Variants in ACAT1 observed in about 807,000 individuals in gnomAD.
ACAT1 encodes acetyl-CoA acetyltransferase 1.
In ACAT1, 28 loss-of-function variants were observed where a neutral mutation model predicts 47.3. The ratio of observed to expected loss-of-function variants is 0.59; its 90% CI spans 0.44 to 0.81. The LOEUF is 0.81. Ranked by LOEUF, ACAT1 falls within the 30% of genes least tolerant of loss-of-function variation. The probability of loss-of-function intolerance (pLI) is 0.00; values close to 1 mark genes in which losing one functional copy is unlikely to be tolerated. For missense variants in ACAT1, 469 were observed against 524.3 expected (o/e 0.89, Z 1.03); for synonymous variants, 181 against 173.6 (o/e 1.04, Z -0.34).
chr11:108,134,415 C>G, intron 4 of ACAT1, 99 bp downstream of exon 4: 1 of 871,316 alleles, frequency 1.1e-6, no homozygotes. Flanking sequence ...GAGGCCGAGG[C>G]AGGCGGATCA....
In ACAT1 at chr11:108,142,422, C is replaced by A; in HGVS notation, c.827-15C>A. The A allele has an allele frequency of 6.2e-7, 1 of 1,603,988 alleles. No individual in the cohort carries two copies. Among genetic ancestry groups the A allele is most frequent in the Non-Finnish European group, 8.5e-7 (1 of 1,171,300 alleles). On this transcript the variant is annotated splice_polypyrimidine_tract_variant and intron_variant, in intron 8 of 11. Coordinates refer to ENST00000265838, the MANE Select transcript of ACAT1 (RefSeq NM_000019.4). ...TGAAGGAATGTTTTGACTTCAACCT[C>A]ATTTTTGCTTTCAGGCACAGTAACA...
At chr11:108,135,425 G>A (rs933247615) in intron 5 of ACAT1, among the ~76,000 whole-genome samples, 183 bp downstream of exon 5, 7 of 152,180 alleles carry the variant, frequency 4.6e-5, no homozygotes, top group East Asian at 3.9e-4. Flanking sequence ...AAATGATAGC[G>A]TAGGCTGGGT....
Position 108,147,415 on chromosome 11 carries a change from A to G in ACAT1, c.*25A>G. On this transcript the variant is annotated 3_prime_UTR_variant, in exon 12 of 12. Coordinates refer to ENST00000265838, the MANE Select transcript of ACAT1 (RefSeq NM_000019.4). ...GACAACCTCTGCTATTTAAGGAGACAACCCTATGTGACCAGAAGGCCTGCT... is the reference window on the plus strand; with the variant it reads ...GACAACCTCTGCTATTTAAGGAGACGACCCTATGTGACCAGAAGGCCTGCT... 1 of 1,612,308 alleles carries G rather than the reference A, an allele frequency of 6.2e-7. No homozygotes were observed. The highest frequency in any genetic ancestry group is 8.5e-7 in the Non-Finnish European group (1 of 1,179,216).
At chr11:108,137,906 C>G (rs567134638) in intron 5 of ACAT1, among the ~76,000 whole-genome samples, 2 of 149,396 alleles carry the variant, frequency 1.3e-5, no homozygotes, top group African/African-American at 2.5e-5. Context: ...GAGATCGTGC[C>G]ACTGCACTCC....
Position 108,142,507 on chromosome 11 carries a change from T to C in ACAT1, c.897T>C (p.Asp299=). ...GAAALVLMTA[D]AAKRLNVTPL... is the part of the protein sequence containing the mutation. Reference sequence around the variant, plus strand: ...CTGCTCTGGTTCTCATGACGGCAGATGCAGCGAAGAGGCTCAATGTTACAC... The same window carrying C: ...CTGCTCTGGTTCTCATGACGGCAGACGCAGCGAAGAGGCTCAATGTTACAC... Residue 299 remains aspartate (D), a synonymous_variant, in exon 9 of 12, where the codon GAT becomes GAC. Transcript: ENST00000265838. The C allele has an allele frequency of 1.2e-6, 2 of 1,614,178 alleles. No homozygotes were observed. Among genetic ancestry groups the C allele is most frequent in the South Asian group, 1.1e-5 (1 of 91,080 alleles).
intron 5 of ACAT1, among the ~76,000 whole-genome samples, chr11:108,138,354 G>A (rs1305762493): frequency 6.6e-6 from 1 of 151,800 alleles, no homozygotes; most frequent in African/African-American, 2.4e-5. Context: ...CACCCAGGCT[G>A]GAGTGCAGTG....
rs77149279 is a variant in ACAT1 at position 108,136,300 on chromosome 11, G to A, written c.435+1058G>A. On this transcript the variant is annotated intron_variant, in intron 5 of 11. Coordinates refer to ENST00000265838, the MANE Select transcript of ACAT1 (RefSeq NM_000019.4). Reference sequence around the variant, plus strand: ...AACATTTAAAAAAATCTGTACATGTGCAGGTCTCTGTTGGAAAAATGCCTA... The same window carrying A: ...AACATTTAAAAAAATCTGTACATGTACAGGTCTCTGTTGGAAAAATGCCTA... 4.7e-4 allele frequency: 189 copies of A among 405,966 alleles called. 4 individuals are homozygous for A. The East Asian group carries it at 6.0e-3, about 13-fold the overall frequency. The allele number at this position is 405,966 out of a possible 1,614,324, so 25.1% of individuals were successfully genotyped here.
chr11:108,119,202 T>A (rs1014076604), upstream of ACAT1, among the ~76,000 whole-genome samples: 1 of 152,118 alleles, frequency 6.6e-6, no homozygotes, highest in Non-Finnish European at 1.5e-5. Context: ...AACCAGTCTT[T>A]TTTTTTTTCT....
intron 9 of ACAT1, 23 bp from the exon 10 acceptor site, chr11:108,143,956 AACCC>A: frequency 2.4e-6 from 2 of 843,504 alleles, no homozygotes; most frequent in African/African-American, 3.0e-5. Context: ...AGATTTTAAC[AACCC>A]CCCCCCCCCT....
At chr11:108,138,836 G>A (rs768663649) in intron 5 of ACAT1, 62 bp from the exon 6 acceptor site, 8 of 1,580,518 alleles carry the variant, frequency 5.1e-6, no homozygotes, top group Non-Finnish European at 7.0e-6. Context: ...GCTGTATAAA[G>A]GGTGTCATGG....
intron 1 of ACAT1, among the ~76,000 whole-genome samples, chr11:108,131,078 T>C (rs1036970288): frequency 5.3e-5 from 8 of 152,084 alleles, no homozygotes; most frequent in African/African-American, 1.9e-4. Flanking sequence ...TCCTAAGAAG[T>C]GTGGAAAGAA....
Position 108,142,569 on chromosome 11 carries a change from G to T in ACAT1, c.940+19G>T, listed in dbSNP as rs749860198. 2.5e-6 allele frequency: 4 copies of T among 1,587,146 alleles called. No individual in the cohort carries two copies. The Admixed American group carries it at 6.7e-5, about 26-fold the overall frequency. ...ATAGTAGGTAAGGCCAGGCGAGGTG[G>T]CTCACACCTGTAATCCCAGCACTTT... is the stretch of plus-strand genomic sequence containing the variant. On this transcript the variant is annotated intron_variant, in intron 9 of 11. Coordinates refer to ENST00000265838, the MANE Select transcript of ACAT1 (RefSeq NM_000019.4).
At chr11:108,125,437 A>T (rs1158846909) in intron 1 of ACAT1, among the ~76,000 whole-genome samples, 2 of 152,230 alleles carry the variant, frequency 1.3e-5, no homozygotes. Context: ...TGAGCAAGAG[A>T]CACCATCCCG....
chr11:108,141,482 G>C (rs573164335), intron 7 of ACAT1, 123 bp from the exon 8 acceptor site: 10 of 696,000 alleles, frequency 1.4e-5, no homozygotes, highest in Non-Finnish European at 2.3e-5. Flanking sequence ...GTGTTTACTT[G>C]GGATGGTTTA....
intron 9 of ACAT1, chr11:108,142,969 T>G (rs908388782): frequency 5.2e-6 from 1 of 191,454 alleles, no homozygotes; most frequent in Non-Finnish European, 1.1e-5. Flanking sequence ...GATACATATT[T>G]CAATTGAGAT....
In ACAT1 at chr11:108,121,684, C is replaced by T; in HGVS notation, c.72+6C>T. The stretch of plus-strand genomic sequence containing the variant: ...TGCTCCGGAGGCTGGTGCAGGTGAG[C>T]GGGGTTCGTCCCCACAGCACTCAGA... On this transcript the variant is annotated splice_donor_region_variant and intron_variant, in intron 1 of 11. Coordinates refer to ENST00000265838, the MANE Select transcript of ACAT1 (RefSeq NM_000019.4). 1.3e-6 allele frequency: 2 copies of T among 1,547,640 alleles called. No homozygotes were observed. Among genetic ancestry groups the T allele is most frequent in the South Asian group, 1.2e-5 (1 of 83,986 alleles).
intron 1 of ACAT1, among the ~76,000 whole-genome samples, chr11:108,127,326 G>A (rs1032853799): frequency 7.3e-5 from 11 of 150,696 alleles, no homozygotes; most frequent in Admixed American, 4.6e-4. Flanking sequence ...GTGCAGTGGC[G>A]TGATCTTGGC....
upstream of ACAT1, among the ~76,000 whole-genome samples, chr11:108,119,619 T>G (rs2135278098): frequency 6.7e-6 from 1 of 149,842 alleles, no homozygotes; most frequent in South Asian, 2.1e-4. Flanking sequence ...ACAATTCAAC[T>G]TTTTCAGTTA....
chr11:108,145,737 G>GAA (rs1480326652), intron 10 of ACAT1, among the ~76,000 whole-genome samples: 11 of 151,704 alleles, frequency 7.3e-5, no homozygotes, highest in Non-Finnish European at 1.5e-4. Context: ...AATGGAATAA[G>GAA]ATGAGCAACT....
Sources: allele counts gnomAD v4.1 joint callset (sites outside exome capture counted in the v4.1 genomes callset), GRCh38; gene constraint gnomAD v4.1.1; transcripts MANE v1.5; gene names NCBI Gene and HGNC (gene_info 2026-07-23, HGNC 2026-07-21).